Variants in ANGEL1 observed in about 807,000 individuals in gnomAD.
The protein encoded by ANGEL1 is RNA 2',3'-cyclic phosphatase ANGEL1.
ANGEL1 carries 62 observed loss-of-function variants against 76.4 expected under a neutral mutation model. That is an observed-to-expected ratio of 0.81 (90% confidence interval 0.66 to 1.00). The LOEUF (loss-of-function observed/expected upper bound fraction) is 1.00, where lower values mean the gene tolerates loss of function less well. ANGEL1 is among the 50% of genes least tolerant of loss of function. The pLI is 0.00. For synonymous variants in ANGEL1, 340 were observed against 331.7 expected, an observed-to-expected ratio of 1.03 and a Z score of -0.27; for missense variants, 737 against 836.7, an observed-to-expected ratio of 0.88 and a Z score of 1.47.
Position 76,803,593 on chromosome 14 carries a change from G to T in ANGEL1, c.1508-112C>A. ...AGGTACACAGAGGAAGCATTCAGAA[G>T]ACAAGGAGATTTTCCAAAGGCTATG... is the stretch of plus-strand genomic sequence containing the variant. On this transcript the variant is annotated intron_variant, in intron 6 of 9. Coordinates refer to ENST00000251089, the MANE Select transcript of ANGEL1 (RefSeq NM_015305.4). 2.2e-6 allele frequency: 3 copies of T among 1,353,170 alleles called. No homozygotes were observed. The South Asian group carries it at 3.9e-5, about 18-fold the overall frequency. 83.8% of individuals were successfully genotyped at this position (1,353,170 alleles called of 1,614,324 possible).
chr14:76,804,135 G>A (rs1422494399), intron 5 of ANGEL1: 4 of 1,439,792 alleles, frequency 2.8e-6, no homozygotes, highest in Non-Finnish European at 2.7e-6. Flanking sequence ...ACAGGAGGAG[G>A]GGTAAGAGAC....
chr14:76,804,229 G>T, intron 5 of ANGEL1: 3 of 1,392,032 alleles, frequency 2.2e-6, no homozygotes, highest in Non-Finnish European at 2.8e-6. Flanking sequence ...CCTCCACAGG[G>T]AATATCAACT....
In ANGEL1 at chr14:76,789,346, C is replaced by T. The variant is rs373126205; in HGVS notation, c.1895G>A (p.Arg632His). 37 of 1,614,074 alleles carry T rather than the reference C, an allele frequency of 2.3e-5. No homozygotes were observed. The highest frequency in any genetic ancestry group is 8.0e-5 in the African/African-American group (6 of 74,922). Residue 632 changes from arginine to histidine, a missense_variant, in exon 10 of 10, where the codon CGT (arginine) becomes CAT (histidine). Physicochemically the swap from Arg to His is conservative, Grantham distance 29 (BLOSUM62 0). Around this residue, in one of 2 missense-constraint regions of ANGEL1, gnomAD observed 296 missense variants for 387.2 expected, o/e 0.76. Coordinates refer to ENST00000251089, the MANE Select transcript of ANGEL1 (RefSeq NM_015305.4). ...YRDGTLKLLG[R>H]LSLLSEEILW... Reference sequence around the variant, plus strand: ...TATCTCTTCAGAGAGAAGGGAGAGACGACCCAGGAGCTTGAGAGTTCCATC... The same window carrying T: ...TATCTCTTCAGAGAGAAGGGAGAGATGACCCAGGAGCTTGAGAGTTCCATC...
rs1269632457 is a variant in ANGEL1, at chr14:76,791,298, T to C, written c.1687A>G (p.Arg563Gly). 1 of 1,614,088 alleles carries C rather than the reference T, an allele frequency of 6.2e-7. No individual in the cohort carries two copies. ...DASELEPAFS[R>G]TVGTIQHCLH... ...CAGAAGAGAACTGGAGAAGGTTACC[T>C]GGAGAAGGCAGGCTCAAGCTCCGAT... The change falls in exon 8 of 10, where the codon AGG becomes GGG. Residue 563 changes from arginine (R) to glycine (G), a missense_variant and splice_region_variant. By Grantham distance (125) the Arg-to-Gly change is moderately radical. Transcript: ENST00000251089.
intron 7 of ANGEL1, among the ~76,000 whole-genome samples, chr14:76,796,476 G>A (rs925706644): frequency 1.3e-5 from 2 of 151,640 alleles, no homozygotes; most frequent in Admixed American, 6.6e-5. Context: ...GGCTTATTTC[G>A]AACTCCAGGA....
chr14:76,796,008 C>T (rs1894565745), intron 7 of ANGEL1, among the ~76,000 whole-genome samples: 2 of 151,698 alleles, frequency 1.3e-5, no homozygotes, highest in Non-Finnish European at 2.9e-5. Context: ...TTTCTTTTTT[C>T]TAATTTCTTG....
chr14:76,793,443 G>A (rs1284274310), intron 7 of ANGEL1, among the ~76,000 whole-genome samples: 2 of 116,320 alleles, frequency 1.7e-5, no homozygotes, highest in African/African-American at 6.7e-5. Context: ...GAGGAGGAGG[G>A]GAGGAGAAGG....
At chr14:76,805,729 T>C (rs1894900024) in intron 5 of ANGEL1, among the ~76,000 whole-genome samples, 1 of 152,200 alleles carries the variant, frequency 6.6e-6, no homozygotes, top group African/African-American at 2.4e-5. Context: ...ACACACATGG[T>C]AGATTACATA....
At position 76,789,197 on chromosome 14, in the gene ANGEL1, G is replaced by A. The variant is rs1165455506; in HGVS notation, c.*31C>T. 4 of 1,612,464 alleles carry A rather than the reference G, an allele frequency of 2.5e-6. No individual in the cohort carries two copies. The highest frequency in any genetic ancestry group is 1.1e-5 in the South Asian group (1 of 90,918). ...GTCTCTGATCCAGTGAGCTCTTCTG[G>A]AAGAGAAGCTCTCTTCCCCTGGGAG... On this transcript the variant is annotated 3_prime_UTR_variant, in exon 10 of 10. Transcript: ENST00000251089.
At chr14:76,796,580 T>C (rs1894585389) in intron 7 of ANGEL1, among the ~76,000 whole-genome samples, 1 of 152,242 alleles carries the variant, frequency 6.6e-6, no homozygotes, top group South Asian at 2.1e-4. Context: ...ATATGTTTAT[T>C]GCATGTGCTT....
intron 7 of ANGEL1, among the ~76,000 whole-genome samples, chr14:76,796,904 C>T (rs1894596342): frequency 2.0e-5 from 3 of 152,078 alleles, no homozygotes; most frequent in Admixed American, 2.0e-4. Flanking sequence ...CTTTAAGTTA[C>T]ATCCTTTGTC....
At chr14:76,794,359 G>T (rs8012119) in intron 7 of ANGEL1, among the ~76,000 whole-genome samples, 65,171 of 151,892 alleles carry the variant, frequency 0.43, 14,248 homozygotes, top group Middle Eastern at 0.49. Context: ...CAATATATCT[G>T]ATAATTTAGA....
chr14:76,787,900 G>A lies in ANGEL1; in HGVS notation c.*1328C>T, dbSNP rs945050839. On this transcript the variant is annotated 3_prime_UTR_variant, in exon 10 of 10. Transcript: ENST00000251089. ...TGCAGGTGACACAGTGTGGACTAAG[G>A]AGTCCCCTGAATAAGCCAGGGTACC... 3 of 152,608 alleles carry A rather than the reference G, an allele frequency of 2.0e-5. No individual in the cohort carries two copies. The highest frequency in any genetic ancestry group is 4.4e-5 in the Non-Finnish European group (3 of 68,066). The allele number at this position is 152,608 out of a possible 1,614,324, so 9.5% of individuals were successfully genotyped here.
intron 5 of ANGEL1, chr14:76,804,376 G>GT (rs1239470409): frequency 2.9e-6 from 3 of 1,026,174 alleles, no homozygotes; most frequent in African/African-American, 1.7e-5. Flanking sequence ...GCACTTTACC[G>GT]TATCTACGTC....
rs751549993 is a variant in ANGEL1, at chr14:76,803,430, A to G, written c.1559T>C (p.Ile520Thr). Residue 520 changes from isoleucine (I) to threonine (T), a missense_variant, in exon 7 of 10, where the codon ATC (isoleucine) becomes ACC (threonine). Transcript: ENST00000251089. ...CAGTCCTACTGGTCGCTGACAAGCGATGCTGCAGAAGCGGAAACGTAGCAG... is the reference window on the plus strand; with the variant it reads ...CAGTCCTACTGGTCGCTGACAAGCGGTGCTGCAGAAGCGGAAACGTAGCAG... ...DFLLRFRFCS[I>T]ACQRPVGLVL... 5.0e-6 allele frequency: 8 copies of G among 1,614,232 alleles called. No homozygotes were observed. The Admixed American group carries it at 1.3e-4, about 27-fold the overall frequency.
intron 7 of ANGEL1, among the ~76,000 whole-genome samples, chr14:76,794,838 T>C (rs1894530593): frequency 6.6e-6 from 1 of 152,200 alleles, no homozygotes; most frequent in African/African-American, 2.4e-5. Context: ...GTTCTGCACA[T>C]TAATTTTGTA....
At position 76,803,820 on chromosome 14, in the gene ANGEL1, A is replaced by G. The variant is rs1894835985; in HGVS notation, c.1473T>C (p.Cys491=). ...WPSSLGITDC[C]QYVTSCHPKR... is the part of the protein sequence containing the mutation. ...TGGGGTGACAGGAGGTGACATACTGACAGCAATCAGTGATGCCCAGGGAGC... is the reference window on the plus strand; with the variant it reads ...TGGGGTGACAGGAGGTGACATACTGGCAGCAATCAGTGATGCCCAGGGAGC... Residue 491 remains cysteine, a synonymous_variant, in exon 6 of 10, where the codon TGT becomes TGC. Transcript: ENST00000251089. The G allele has an allele frequency of 6.2e-7, 1 of 1,613,920 alleles. No individual in the cohort carries two copies. The highest frequency in any genetic ancestry group is 1.3e-5 in the African/African-American group (1 of 74,924).
intron 1 of ANGEL1, among the ~76,000 whole-genome samples, chr14:76,812,115 C>A (rs985743050): frequency 2.0e-4 from 31 of 152,306 alleles, no homozygotes; most frequent in African/African-American, 6.5e-4. Flanking sequence ...AATAAACACC[C>A]CCTCTTTGAG....
chr14:76,793,439 G>T (rs1894479426), intron 7 of ANGEL1, among the ~76,000 whole-genome samples: 2 of 106,080 alleles, frequency 1.9e-5, no homozygotes, highest in Admixed American at 8.9e-5. Context: ...GGAGGAGGAG[G>T]AGGGGAGGAG....
Sources: allele counts gnomAD v4.1 joint callset (sites outside exome capture counted in the v4.1 genomes callset), GRCh38; gene constraint gnomAD v4.1.1; regional missense constraint gnomAD v4.1.1; transcripts MANE v1.5; gene names NCBI Gene and HGNC (gene_info 2026-07-23, HGNC 2026-07-21).